The following GLIS3 variants were observed in gnomAD, a reference collection of about 807,000 sequenced individuals.
GLIS3 encodes zinc finger protein GLIS3.
GLIS3 carries 53 observed loss-of-function variants against 78.6 expected under a neutral mutation model. The ratio of observed to expected loss-of-function variants is 0.67; its 90% CI spans 0.54 to 0.85. The LOEUF (loss-of-function observed/expected upper bound fraction) is 0.85. Among genes scored for constraint, GLIS3 ranks in the 40% least tolerant of loss-of-function variants. The pLI is 0.00. For synonymous variants in GLIS3, 684 were observed against 509.9 expected (o/e 1.34, Z -4.60); for missense variants, 1,703 against 1,231.1 (o/e 1.38, Z -5.74).
chr9:4,195,560 C>T (rs1252196020), intron 2 of GLIS3, among the ~76,000 whole-genome samples: 1 of 152,252 alleles, frequency 6.6e-6, no homozygotes, highest in Non-Finnish European at 1.5e-5. Context: ...GACCTGCAGC[C>T]CGCCATGCCC....
At chr9:4,321,309 C>G (rs1387760216) in intron 2 of GLIS3, among the ~76,000 whole-genome samples, 1 of 131,086 alleles carries the variant, frequency 7.6e-6, no homozygotes, top group Non-Finnish European at 1.5e-5. Flanking sequence ...GTAGTCCCAG[C>G]TACTCGGGAG....
At chr9:4,242,874 CTTT>C (rs1823447758) in intron 2 of GLIS3, among the ~76,000 whole-genome samples, 1 of 151,946 alleles carries the variant, frequency 6.6e-6, no homozygotes, top group South Asian at 2.1e-4. Flanking sequence ...TTTCATTTTA[CTTT>C]TTTAATGTGG....
At chr9:4,303,262 A>AACAC (rs1554654833), upstream of GLIS3, among the ~76,000 whole-genome samples, 2 of 21,402 alleles carry the variant, frequency 9.3e-5, no homozygotes, top group African/African-American at 2.6e-4. Flanking sequence ...TAGCTATTAA[A>AACAC]ACACAGACAC....
intron 9 of GLIS3, among the ~76,000 whole-genome samples, chr9:3,834,757 A>T (rs906708488): frequency 6.6e-6 from 1 of 152,204 alleles, no homozygotes; most frequent in African/African-American, 2.4e-5. Flanking sequence ...AAGGAACCAG[A>T]ATATAAATAC....
At chr9:4,027,373 T>C (rs1467675531) in intron 4 of GLIS3, among the ~76,000 whole-genome samples, 4 of 152,222 alleles carry the variant, frequency 2.6e-5, no homozygotes, top group African/African-American at 7.2e-5. Context: ...TAGTTCACAA[T>C]TGGACATACT....
chr9:3,899,011 C>G, intron 6 of GLIS3, 176 bp from the exon 7 acceptor site: 1 of 751,606 alleles, frequency 1.3e-6, no homozygotes, highest in Admixed American at 2.1e-5. Context: ...TTCTCCAATC[C>G]TAATAACACC....
intron 4 of GLIS3, among the ~76,000 whole-genome samples, chr9:4,063,614 T>C (rs900867704): frequency 6.6e-6 from 1 of 151,110 alleles, no homozygotes; most frequent in Non-Finnish European, 1.5e-5. Context: ...TCAGAAGTAC[T>C]GCATATTTGC....
intron 1 of GLIS3, among the ~76,000 whole-genome samples, chr9:4,296,946 C>G (rs1034754028): frequency 4.0e-5 from 6 of 150,246 alleles, no homozygotes; most frequent in African/African-American, 1.5e-4. Flanking sequence ...ATCTAACACT[C>G]TCCTGTCTAA....
At chr9:4,276,109 C>A (rs567818329) in intron 2 of GLIS3, among the ~76,000 whole-genome samples, 123 of 151,392 alleles carry the variant, frequency 8.1e-4, no homozygotes, top group African/African-American at 2.9e-3. Context: ...CATAGAAAAA[C>A]CCCATATCTA....
intron 4 of GLIS3, among the ~76,000 whole-genome samples, chr9:4,112,654 G>A (rs975277783): frequency 1.4e-4 from 21 of 152,150 alleles, no homozygotes; most frequent in African/African-American, 2.7e-4. Context: ...AATAACAGTC[G>A]TGGAAAGATC....
chr9:4,297,086 G>A (rs1172350783), intron 1 of GLIS3, among the ~76,000 whole-genome samples: 1 of 151,324 alleles, frequency 6.6e-6, no homozygotes, highest in African/African-American at 2.4e-5. Flanking sequence ...GAAGAAGTAG[G>A]AAGGTTTAAA....
At chr9:3,928,325 A>C (rs939034247) in intron 6 of GLIS3, among the ~76,000 whole-genome samples, 7 of 152,226 alleles carry the variant, frequency 4.6e-5, no homozygotes, top group Non-Finnish European at 7.3e-5. Flanking sequence ...AAGGGTTTGC[A>C]AAATCTGGGG....
At chr9:4,445,226 G>C in the GLIS3 span, among the ~76,000 whole-genome samples, 1 of 152,194 alleles carries the variant, frequency 6.6e-6, no homozygotes, top group Non-Finnish European at 1.5e-5. Context: ...AAGGCTGTAA[G>C]AAATGTATAT....
chr9:4,159,522 C>G (rs1835308774), intron 2 of GLIS3, among the ~76,000 whole-genome samples: 1 of 152,082 alleles, frequency 6.6e-6, no homozygotes, highest in Non-Finnish European at 1.5e-5. Context: ...AGTTTGAGAC[C>G]AGCCTGGCCA....
chr9:4,125,810 C>G lies in GLIS3; in HGVS notation c.520G>C (p.Ala174Pro). Residue 174 changes from alanine to proline, a missense_variant, in exon 3 of 11, where the codon GCA (alanine) becomes CCA (proline). Transcript: ENST00000381971. ...ISPPASQVST[A>P]CNQISPSLQR... is the part of the protein sequence containing the mutation. ...AAGCTAGGACTGATCTGGTTGCATG[C>G]TGTAGAGACCTGGCTTGCTGGAGGT... The G allele has an allele frequency of 6.2e-7, 1 of 1,614,142 alleles. No individual in the cohort carries two copies. The highest frequency in any genetic ancestry group is 8.5e-7 in the Non-Finnish European group (1 of 1,179,998).
chr9:4,237,666 C>A (rs1456516909), intron 2 of GLIS3, among the ~76,000 whole-genome samples: 3 of 152,210 alleles, frequency 2.0e-5, no homozygotes, highest in African/African-American at 7.2e-5. Flanking sequence ...GTTTGTCAAA[C>A]TGTTGATTCT....
intron 2 of GLIS3, among the ~76,000 whole-genome samples, chr9:4,327,270 T>C (rs1449381896): frequency 6.6e-6 from 1 of 152,094 alleles, no homozygotes; most frequent in Non-Finnish European, 1.5e-5. Context: ...GAGGTGGGCA[T>C]GGCCAGAGGA....
chr9:4,218,461 G>C (rs1821046975), intron 2 of GLIS3, among the ~76,000 whole-genome samples: 1 of 152,154 alleles, frequency 6.6e-6, no homozygotes, highest in African/African-American at 2.4e-5. Context: ...TGTATTTTTA[G>C]TAAAGACGGG....
the GLIS3 span, among the ~76,000 whole-genome samples, chr9:4,417,605 C>G: frequency 6.6e-6 from 1 of 151,968 alleles, no homozygotes; most frequent in Admixed American, 6.5e-5. Context: ...AATTTGGGGC[C>G]CTTGTGTAAA....
Sources: gnomAD v4.1 joint callset for allele counts (sites outside exome capture counted in the v4.1 genomes callset) on GRCh38, gnomAD v4.1.1 for gene constraint, MANE v1.5 for transcripts, NCBI Gene and HGNC (gene_info 2026-07-23, HGNC 2026-07-21) for gene names.